The following HAVCR2 variants were observed in gnomAD, a reference collection of about 807,000 sequenced individuals.
HAVCR2 encodes hepatitis A virus cellular receptor 2, also known as T cell immunoglobulin mucin 3.
HAVCR2 carries 13 observed loss-of-function variants against 24.7 expected under a neutral mutation model. That is an observed-to-expected ratio of 0.53 (90% CI 0.34 to 0.84). HAVCR2 has a LOEUF of 0.84. HAVCR2 is among the 40% of genes least tolerant of loss of function. The probability of loss-of-function intolerance (pLI) is 0.01; values close to 1 mark genes in which losing one functional copy is unlikely to be tolerated. For synonymous variants in HAVCR2, 154 were observed against 143.4 expected (o/e 1.07, Z -0.53); for missense variants, 343 against 371.2 (o/e 0.92, Z 0.62).
chr5:157,094,169 G>C (rs1173737465), intron 5 of HAVCR2, among the ~76,000 whole-genome samples: 1 of 151,332 alleles, frequency 6.6e-6, no homozygotes, highest in Admixed American at 6.6e-5. Flanking sequence ...GAGTAGATGG[G>C]ACTACAGGTG....
At chr5:157,088,574 T>C (rs1756949001) in intron 6 of HAVCR2, among the ~76,000 whole-genome samples, 1 of 152,216 alleles carries the variant, frequency 6.6e-6, no homozygotes, top group Non-Finnish European at 1.5e-5. Context: ...TGAGAACAGA[T>C]ACTGGGTTTC....
At chr5:157,104,901 A>T in intron 2 of HAVCR2, 152 bp from the exon 3 acceptor site, 3 of 547,472 alleles carry the variant, frequency 5.5e-6, no homozygotes, top group Non-Finnish European at 1.0e-5. Context: ...ACCTACGTTG[A>T]GAGTGTATCA....
At chr5:157,107,141 G>A (rs2113696314) in intron 1 of HAVCR2, 179 bp from the exon 2 acceptor site, 2 of 585,546 alleles carry the variant, frequency 3.4e-6, no homozygotes, top group East Asian at 2.8e-5. Context: ...TCACTGGGAA[G>A]CCTTGCGAAA....
chr5:157,089,054 G>C (rs1258656123), intron 5 of HAVCR2, 77 bp from the exon 6 acceptor site: 16 of 1,297,664 alleles, frequency 1.2e-5, no homozygotes, highest in Non-Finnish European at 1.8e-5. Flanking sequence ...AGGTTCACTG[G>C]AAGCACGCAT....
chr5:157,102,558 G>A (rs1757182526), intron 3 of HAVCR2, among the ~76,000 whole-genome samples: 1 of 152,056 alleles, frequency 6.6e-6, no homozygotes, highest in Admixed American at 6.6e-5. Context: ...TCTCAGTCAG[G>A]CCCTTGAGAA....
At chr5:157,092,400 C>T (rs1757017126) in intron 5 of HAVCR2, among the ~76,000 whole-genome samples, 1 of 151,808 alleles carries the variant, frequency 6.6e-6, no homozygotes. Flanking sequence ...AGTTTGAGAC[C>T]AGCTTGAGCA....
At chr5:157,087,921 T>G (rs1011704146) in intron 6 of HAVCR2, among the ~76,000 whole-genome samples, 1 of 143,072 alleles carries the variant, frequency 7.0e-6, no homozygotes, top group Admixed American at 7.0e-5. Context: ...AAAAAAAAAA[T>G]TATTAATGCT....
chr5:157,092,670 T>C (rs1187291817), intron 5 of HAVCR2, among the ~76,000 whole-genome samples: 1 of 151,408 alleles, frequency 6.6e-6, no homozygotes, highest in Admixed American at 6.6e-5. Context: ...GGTCTCAAAC[T>C]CCCAGCCTCA....
rs953410054 is a variant in HAVCR2, at chr5:157,094,162, T to C, written c.676+1144A>G. On this transcript the variant is annotated intron_variant, in intron 5 of 6. Coordinates refer to ENST00000307851, the MANE Select transcript of HAVCR2 (RefSeq NM_032782.5). ...GATCCTCCCACCTCAGCCTCCTGAG[T>C]AGATGGGACTACAGGTGTGTGCCAC... is the stretch of plus-strand genomic sequence containing the variant. 1.5e-4 allele frequency among the ~76,000 whole-genome samples: 23 copies of C among 150,814 alleles called. No homozygotes were observed. The South Asian group carries it at 2.5e-3, about 17-fold the overall frequency.
At chr5:157,088,844 G>T in intron 6 of HAVCR2, 97 bp downstream of exon 6, 1 of 1,042,042 alleles carries the variant, frequency 9.6e-7, no homozygotes, top group South Asian at 1.4e-5. Flanking sequence ...AGATCTCAAA[G>T]CCCCAGGACA....
At chr5:157,101,892 A>T (rs1757172374) in intron 3 of HAVCR2, among the ~76,000 whole-genome samples, 1 of 148,780 alleles carries the variant, frequency 6.7e-6, no homozygotes. Flanking sequence ...TTCCTGCCTC[A>T]GCCCTGCCAA....
rs182885765 is a variant in HAVCR2, at chr5:157,104,657, C to T, written c.478+9G>A. ...TAAAGATTCCCTCCTCTGCCCCATG[C>T]ATAGTTACCTGGGCCATGTCCCCTG... is the stretch of plus-strand genomic sequence containing the variant. On this transcript the variant is annotated intron_variant, in intron 3 of 6. Transcript: ENST00000307851. 18 of 1,582,118 alleles carry T rather than the reference C, an allele frequency of 1.1e-5. No homozygotes were observed. The Admixed American group carries it at 2.2e-4, about 20-fold the overall frequency.
At chr5:157,097,402 G>A (rs1262724442) in intron 4 of HAVCR2, among the ~76,000 whole-genome samples, 1 of 151,848 alleles carries the variant, frequency 6.6e-6, no homozygotes, top group Non-Finnish European at 1.5e-5. Context: ...CTACAGGTTT[G>A]CAGCACCATG....
chr5:157,093,689 G>A (rs887841618), intron 5 of HAVCR2, among the ~76,000 whole-genome samples: 1 of 152,308 alleles, frequency 6.6e-6, no homozygotes, highest in African/African-American at 2.4e-5. Context: ...GCTCACGCCT[G>A]TAATCCCAAA....
In HAVCR2 at chr5:157,106,738, G is replaced by C; in HGVS notation, c.283C>G (p.Leu95Val). The C allele has an allele frequency of 6.2e-7, 1 of 1,614,178 alleles. No homozygotes were observed. Among genetic ancestry groups the C allele is most frequent in the Non-Finnish European group, 8.5e-7 (1 of 1,180,014 alleles). ...GCTAGAGTCACATTCTCTATGGTCAGGGACACATCTCCTTTGCGGAAATCC... is the reference window on the plus strand; with the variant it reads ...GCTAGAGTCACATTCTCTATGGTCACGGACACATCTCCTTTGCGGAAATCC... ...NGDFRKGDVS[L>V]TIENVTLADS... The change falls in exon 2 of 7, where the codon CTG (leucine) becomes GTG (valine). Residue 95 changes from leucine to valine, a missense_variant. Leu to Val is a conservative substitution (Grantham distance 32). Coordinates refer to ENST00000307851, the MANE Select transcript of HAVCR2 (RefSeq NM_032782.5).
Position 157,104,738 on chromosome 5 carries a change from G to T in HAVCR2, c.406C>A (p.Pro136Thr). The change falls in exon 3 of 7, where the codon CCT becomes ACT. Residue 136 changes from proline (P) to threonine (T), a missense_variant. Pro to Thr is a conservative substitution (Grantham distance 38). Coordinates refer to ENST00000307851, the MANE Select transcript of HAVCR2 (RefSeq NM_032782.5). ...AAGTCTCTCTGCCGAGTCGGTGCAG[G>T]GGTGACCTTGGCTAATGTCAGAAAC... ...KLVIKPAKVT[P>T]APTRQRDFTA... is the part of the protein sequence containing the mutation. 1 of 1,596,206 alleles carries T rather than the reference G, an allele frequency of 6.3e-7. No individual in the cohort carries two copies. Among genetic ancestry groups the T allele is most frequent in the Non-Finnish European group, 8.5e-7 (1 of 1,169,602 alleles).
At chr5:157,089,428 C>T (rs536833420) in intron 5 of HAVCR2, among the ~76,000 whole-genome samples, 21 of 151,492 alleles carry the variant, frequency 1.4e-4, no homozygotes, top group South Asian at 8.5e-4. Context: ...CCCAGCTACT[C>T]GGGAGGCTGA....
Position 157,098,961 on chromosome 5 carries a change from GTTTTC to G in HAVCR2, c.479-65_479-61del, listed in dbSNP as rs1168141416. Reference sequence around the variant, plus strand: ...AATAGCCAATAGTATAGTTAAGAACGTTTTCTTTTATCTAAGTTTTTAAAAAATCT... The same window carrying G: ...AATAGCCAATAGTATAGTTAAGAACGTTTTATCTAAGTTTTTAAAAAATCT... On this transcript the variant is annotated intron_variant, in intron 3 of 6. Transcript: ENST00000307851. The G allele has an allele frequency of 2.7e-6, 4 of 1,496,246 alleles. No homozygotes were observed. In the African/African-American group the frequency reaches 4.2e-5, roughly 16 times the overall value. 92.7% of individuals were successfully genotyped at this position (1,496,246 alleles called of 1,614,324 possible). A position where few individuals can be genotyped will look rare whatever the true frequency, so the allele number is the denominator to read the frequency against.
At chr5:157,090,189 G>C (rs1156888792) in intron 5 of HAVCR2, among the ~76,000 whole-genome samples, 1 of 124,262 alleles carries the variant, frequency 8.0e-6, no homozygotes, top group Non-Finnish European at 1.6e-5. Context: ...GAATGCAGTA[G>C]TAAGATCATA....
Sources: gnomAD v4.1 joint callset for allele counts (sites outside exome capture counted in the v4.1 genomes callset) on GRCh38, gnomAD v4.1.1 for gene constraint, MANE v1.5 for transcripts, NCBI Gene and HGNC (gene_info 2026-07-23, HGNC 2026-07-21) for gene names.